RBFOX1: variants seen among roughly 807,000 people sequenced by gnomAD.
RBFOX1 encodes RNA binding protein fox-1 homolog 1.
In RBFOX1, 8 loss-of-function variants were observed where a neutral mutation model predicts 57.7. The observed-to-expected ratio is 0.14, with a 90% confidence interval of 0.08 to 0.25. The LOEUF (loss-of-function observed/expected upper bound fraction) is 0.25, where lower values mean the gene tolerates loss of function less well. RBFOX1 is among the 10% of genes least tolerant of loss of function. RBFOX1 has a pLI of 1.00. For synonymous variants in RBFOX1, 326 were observed against 222.4 expected, an observed-to-expected ratio of 1.47 and a Z score of -4.15; for missense variants, 611 against 548.5, an observed-to-expected ratio of 1.11 and a Z score of -1.14.
At position 5,957,973 on chromosome 16, in the gene RBFOX1, CT is replaced by C. The variant is rs534513768; in HGVS notation, c.351+90642del. Among the ~76,000 whole-genome samples, 458 of 152,216 alleles carry C rather than the reference CT, an allele frequency of 3.0e-3. 1 individual carries two copies. The highest frequency in any genetic ancestry group is 0.011 in the African/African-American group (448 of 41,554). On this transcript the variant is annotated intron_variant, in intron 4 of 19. Transcript: ENST00000641259. ...CCTTCCCCCCACCATCCTCTCATTA[CT>C]TTTCCCAGCCTCCGGTAATTATCCT...
intron 1 of RBFOX1, among the ~76,000 whole-genome samples, chr16:5,406,311 A>G (rs2066865159): frequency 6.6e-6 from 1 of 152,008 alleles, no homozygotes; most frequent in Non-Finnish European, 1.5e-5. Context: ...GGTGAGTGCC[A>G]TCCAATCCGT....
intron 1 of RBFOX1, among the ~76,000 whole-genome samples, chr16:6,051,867 A>C (rs2095555520): frequency 6.6e-6 from 1 of 152,062 alleles, no homozygotes; most frequent in Non-Finnish European, 1.5e-5. Context: ...CCTAACCAGC[A>C]AGTTTTCTTT....
At chr16:6,012,110 G>A (rs2094964707) in intron 4 of RBFOX1, among the ~76,000 whole-genome samples, 1 of 152,174 alleles carries the variant, frequency 6.6e-6, no homozygotes, top group East Asian at 1.9e-4. Flanking sequence ...GACAATGCTG[G>A]TTGAGAAGAA....
intron 4 of RBFOX1, among the ~76,000 whole-genome samples, chr16:7,204,504 G>A (rs1333656957): frequency 6.6e-6 from 1 of 152,104 alleles, no homozygotes; most frequent in African/African-American, 2.4e-5. Flanking sequence ...AAATTAGCCA[G>A]GCATGGTGAT....
At chr16:6,755,243 T>G (rs1025904822) in intron 3 of RBFOX1, among the ~76,000 whole-genome samples, 1 of 152,216 alleles carries the variant, frequency 6.6e-6, no homozygotes, top group Non-Finnish European at 1.5e-5. Flanking sequence ...CTGGGTCAAA[T>G]GGTATTTCTA....
chr16:5,620,342 C>G (rs536072173), intron 3 of RBFOX1, among the ~76,000 whole-genome samples: 2 of 152,298 alleles, frequency 1.3e-5, no homozygotes, highest in East Asian at 1.9e-4. Flanking sequence ...GGAGAGACAT[C>G]ACATTGTTGC....
intron 2 of RBFOX1, among the ~76,000 whole-genome samples, chr16:6,590,832 G>C (rs947975190): frequency 1.4e-5 from 1 of 73,718 alleles, no homozygotes; most frequent in Non-Finnish European, 2.7e-5. Context: ...TGTCATATTG[G>C]CAAGTGCGTT....
intron 3 of RBFOX1, among the ~76,000 whole-genome samples, chr16:6,880,333 T>C (rs887499142): frequency 6.6e-6 from 1 of 152,186 alleles, no homozygotes; most frequent in African/African-American, 2.4e-5. Context: ...CCTCTGTTGT[T>C]CCTGACCACT....
intron 3 of RBFOX1, among the ~76,000 whole-genome samples, chr16:5,615,395 T>C (rs1264457968): frequency 5.3e-5 from 8 of 152,204 alleles, no homozygotes; most frequent in Non-Finnish European, 2.9e-5. Flanking sequence ...TGATAGACCC[T>C]AGAGCTTCGA....
intron 10 of RBFOX1, among the ~76,000 whole-genome samples, chr16:7,629,468 G>T (rs772359542): frequency 6.6e-6 from 1 of 152,144 alleles, no homozygotes; most frequent in Non-Finnish European, 1.5e-5. Context: ...TTGCGGTCCT[G>T]ACAGGGGAAT....
At chr16:7,386,968 C>G (rs139672148) in intron 4 of RBFOX1, among the ~76,000 whole-genome samples, 5 of 152,324 alleles carry the variant, frequency 3.3e-5, no homozygotes, top group Admixed American at 2.6e-4. Flanking sequence ...TTGCATTTCT[C>G]TAATGACCAG....
At position 7,207,428 on chromosome 16, in the gene RBFOX1, C is replaced by G. The variant is rs116012442; in HGVS notation, c.27+155330C>G. Among the ~76,000 whole-genome samples, 735 of 152,244 alleles carry G rather than the reference C, an allele frequency of 4.8e-3. 7 individuals carry two copies. Among genetic ancestry groups the G allele is most frequent in the African/African-American group, 0.017 (704 of 41,540 alleles). On this transcript the variant is annotated intron_variant, in intron 4 of 15. Transcript: ENST00000550418. The stretch of plus-strand genomic sequence containing the variant: ...TGGTAGAGAGAGGAACTCAACAGCA[C>G]AAAATAGTCAAAACATAACATTTTA...
intron 4 of RBFOX1, among the ~76,000 whole-genome samples, chr16:7,475,287 A>G (rs996012001): frequency 1.3e-5 from 2 of 151,432 alleles, no homozygotes; most frequent in African/African-American, 4.9e-5. Flanking sequence ...CTACCGATTA[A>G]TAGATTTGAA....
At chr16:6,242,910 A>G (rs1360899239) in intron 1 of RBFOX1, among the ~76,000 whole-genome samples, 2 of 152,158 alleles carry the variant, frequency 1.3e-5, no homozygotes, top group East Asian at 3.9e-4. Flanking sequence ...ATATATGTGT[A>G]TACACTTCAA....
intron 1 of RBFOX1, among the ~76,000 whole-genome samples, chr16:5,423,614 A>G (rs1295356478): frequency 1.3e-5 from 2 of 152,110 alleles, no homozygotes; most frequent in Non-Finnish European, 1.5e-5. Flanking sequence ...CCTGTCTGTG[A>G]GCAGGGGCGG....
chr16:6,089,446 C>T (rs2096138704), intron 1 of RBFOX1, among the ~76,000 whole-genome samples: 1 of 152,090 alleles, frequency 6.6e-6, no homozygotes, highest in African/African-American at 2.4e-5. Context: ...CACAGAGGGC[C>T]TATAAGGAAG....
At chr16:6,582,138 C>T (rs1228009136) in intron 2 of RBFOX1, among the ~76,000 whole-genome samples, 3 of 152,144 alleles carry the variant, frequency 2.0e-5, no homozygotes, top group Non-Finnish European at 4.4e-5. Flanking sequence ...TGATTTAAGT[C>T]ATATTAAAAT....
At chr16:7,335,178 C>T (rs1436066023) in intron 4 of RBFOX1, among the ~76,000 whole-genome samples, 1 of 152,212 alleles carries the variant, frequency 6.6e-6, no homozygotes, top group Non-Finnish European at 1.5e-5. Flanking sequence ...AGATGCTCAG[C>T]TCTGAGCCGA....
intron 4 of RBFOX1, among the ~76,000 whole-genome samples, chr16:7,212,436 A>T (rs757393976): frequency 1.3e-5 from 2 of 152,160 alleles, no homozygotes; most frequent in Non-Finnish European, 2.9e-5. Context: ...TTAAATGAAT[A>T]GGCATACTTG....
Sources: gnomAD v4.1 joint callset for allele counts (sites outside exome capture counted in the v4.1 genomes callset) on GRCh38, gnomAD v4.1.1 for gene constraint, MANE v1.5 for transcripts, NCBI Gene and HGNC (gene_info 2026-07-23, HGNC 2026-07-21) for gene names.